NMD3: variants seen among roughly 807,000 people sequenced by gnomAD.
NMD3 encodes NMD3 ribosome export adaptor.
A neutral mutation model predicts 73.1 loss-of-function variants in NMD3; 47 were observed. The observed-to-expected ratio is 0.64, with a 90% CI of 0.51 to 0.82. NMD3 has a LOEUF of 0.82. Among genes scored for constraint, NMD3 ranks in the 40% least tolerant of loss-of-function variants. The probability of loss-of-function intolerance (pLI) is 0.00; values close to 1 mark genes in which losing one functional copy is unlikely to be tolerated. For synonymous variants in NMD3, 210 were observed against 194.5 expected (o/e 1.08, Z -0.66); for missense variants, 554 against 612.5 (o/e 0.90, Z 1.01).
Position 161,250,290 on chromosome 3 carries a change from G to C in NMD3, c.1345G>C (p.Asp449His). Residue 449 changes from aspartate (D) to histidine (H), a missense_variant, in exon 15 of 16, where the codon GAT becomes CAT. Coordinates refer to ENST00000351193, the MANE Select transcript of NMD3 (RefSeq NM_015938.5). ...AGATTTTCTTGAAGATCTTGAAGAA[G>C]ATGAGGCAATTCGAAAAAATGTCAA... ...YQDFLEDLEE[D>H]EAIRKNVNIY... 1 of 1,604,232 alleles carries C rather than the reference G, an allele frequency of 6.2e-7. No individual in the cohort carries two copies. The highest frequency in any genetic ancestry group is 1.3e-5 in the African/African-American group (1 of 74,820).
intron 4 of NMD3, among the ~76,000 whole-genome samples, chr3:161,228,437 A>G (rs1228392395): frequency 2.0e-5 from 3 of 151,736 alleles, no homozygotes; most frequent in Non-Finnish European, 2.9e-5. Context: ...TAATCTTTCT[A>G]ATGAATTGTT....
chr3:161,223,137 T>A (rs1736176544), intron 2 of NMD3: 1 of 152,228 alleles, frequency 6.6e-6, no homozygotes, highest in African/African-American at 2.4e-5. Flanking sequence ...CAGGAACTGC[T>A]TTCTTTCCAG....
intron 13 of NMD3, among the ~76,000 whole-genome samples, chr3:161,248,054 G>A (rs1737323416): frequency 6.6e-6 from 1 of 151,716 alleles, no homozygotes; most frequent in Admixed American, 6.6e-5. Flanking sequence ...TCAAGTAGCT[G>A]GGATTACAGG....
At chr3:161,223,814 C>G (rs1736203157) in intron 2 of NMD3, among the ~76,000 whole-genome samples, 1 of 152,146 alleles carries the variant, frequency 6.6e-6, no homozygotes, top group Admixed American at 6.5e-5. Flanking sequence ...CACACTATTG[C>G]CTTGTTAATT....
At chr3:161,249,809 T>C (rs757439999) in intron 14 of NMD3, 3 of 498,442 alleles carry the variant, frequency 6.0e-6, no homozygotes, top group Non-Finnish European at 1.1e-5. Flanking sequence ...TTTGAAAAGT[T>C]AAAATATAAT....
At chr3:161,235,331 G>GC in intron 7 of NMD3, 119 bp downstream of exon 7, 6 of 385,962 alleles carry the variant, frequency 1.6e-5, no homozygotes, top group Non-Finnish European at 2.3e-5. Context: ...CTTTCTGTTA[G>GC]GAAAAAAAAA....
At chr3:161,240,937 A>AT (rs1560071800) in intron 9 of NMD3, 109 bp from the exon 10 acceptor site, 1 of 580,330 alleles carries the variant, frequency 1.7e-6, no homozygotes, top group East Asian at 2.9e-5. Flanking sequence ...AGAATTGAAA[A>AT]TAACGTTTTG....
chr3:161,227,372 A>G (rs751599334), intron 4 of NMD3, 29 bp downstream of exon 4: 14 of 1,340,134 alleles, frequency 1.0e-5, no homozygotes, highest in East Asian at 2.3e-5. Context: ...ATCAGTATTC[A>G]TAGGTATGTT....
At chr3:161,224,793 T>C (rs1450521943) in intron 2 of NMD3, 137 bp from the exon 3 acceptor site, 55 of 856,678 alleles carry the variant, frequency 6.4e-5, no homozygotes, top group Non-Finnish European at 1.7e-5. Flanking sequence ...CCCAGGTTGC[T>C]TTGTTTCTGT....
At chr3:161,241,699 G>A (rs1327303446) in intron 10 of NMD3, among the ~76,000 whole-genome samples, 2 of 152,116 alleles carry the variant, frequency 1.3e-5, no homozygotes, top group Non-Finnish European at 2.9e-5. Context: ...GATTACAAGC[G>A]TGAGCCACCA....
At chr3:161,233,599 CTGTT>C in intron 5 of NMD3, 120 bp downstream of exon 5, 4 of 546,224 alleles carry the variant, frequency 7.3e-6, no homozygotes, top group East Asian at 3.0e-5. Context: ...TCAATTTTAG[CTGTT>C]TGTTTTCTTT....
Position 161,242,651 on chromosome 3 carries a change from A to T in NMD3, c.1015A>T (p.Lys339Ter). 1 of 1,610,450 alleles carries T rather than the reference A, an allele frequency of 6.2e-7. No homozygotes were observed. The highest frequency in any genetic ancestry group is 1.7e-5 in the Admixed American group (1 of 59,884). ...RAAGAGMISK[K>*]HTLGEVWVQK... ...TGCAGGTGCTGGAATGATATCAAAA[A>T]AGGTAAGCTACATCCTGCCTGCCAG... is the stretch of plus-strand genomic sequence containing the variant. The change falls in exon 11 of 16, where the codon AAG becomes TAG. Residue 339 changes from lysine to a stop codon, truncating the protein, a stop_gained and splice_region_variant. Transcript: ENST00000351193. LOFTEE classifies it high-confidence loss of function.
At chr3:161,224,552 C>T (rs1021638757) in intron 2 of NMD3, among the ~76,000 whole-genome samples, 4 of 152,026 alleles carry the variant, frequency 2.6e-5, no homozygotes, top group East Asian at 1.9e-4. Context: ...AGTGCAGTGG[C>T]GTGATCTGGC....
At chr3:161,225,510 A>G (rs888422648) in intron 3 of NMD3, among the ~76,000 whole-genome samples, 3 of 152,202 alleles carry the variant, frequency 2.0e-5, no homozygotes, top group African/African-American at 7.2e-5. Context: ...ACTATTGTTG[A>G]TGGAAAAGAA....
At chr3:161,250,720 TAATACTTTGTATACATATA>T (rs1737450235) in intron 15 of NMD3, 41 bp from the exon 16 acceptor site, 1 of 1,015,364 alleles carries the variant, frequency 9.8e-7, no homozygotes, top group African/African-American at 1.6e-5. Flanking sequence ...CAAATATATT[TAATACTTTGTATACATATA>T]AATACTTTGT....
intron 8 of NMD3, 31 bp downstream of exon 8, chr3:161,238,222 C>A: frequency 1.5e-6 from 2 of 1,364,600 alleles, no homozygotes; most frequent in Non-Finnish European, 2.0e-6. Flanking sequence ...GTGACTAAAT[C>A]TAAGGACTTG....
rs924143767 is a variant in NMD3, at chr3:161,250,653, C to T, written c.1382-127C>T. ...GAATGACTGCTGTAAGAGACAAGAG[C>T]TTCTGATACAATGTAGTTACATAAT... On this transcript the variant is annotated intron_variant, in intron 15 of 15. Transcript: ENST00000351193. 14 of 623,892 alleles carry T rather than the reference C, an allele frequency of 2.2e-5. 1 individual carries two copies. The highest frequency in any genetic ancestry group is 4.9e-5 in the South Asian group (2 of 40,744). The allele number at this position is 623,892 out of a possible 1,614,324, so 38.6% of individuals were successfully genotyped here. A position where few individuals can be genotyped will look rare whatever the true frequency, so the allele number is the denominator to read the frequency against.
rs748156466 is a variant in NMD3, at chr3:161,242,563, T to C, written c.927T>C (p.His309=). 2.5e-6 allele frequency: 4 copies of C among 1,613,736 alleles called. No homozygotes were observed. Among genetic ancestry groups the C allele is most frequent in the Non-Finnish European group, 3.4e-6 (4 of 1,179,750 alleles). ...GTCACCCTTTCAATAGTTTATGTCA[T>C]CCCAAACAGCTAGAGGAGTTTATTG... The part of the protein sequence containing the change: ...FWSHPFNSLC[H]PKQLEEFIVM... The change falls in exon 11 of 16, where the codon CAT becomes CAC. Residue 309 remains histidine (H), a synonymous_variant. Coordinates refer to ENST00000351193, the MANE Select transcript of NMD3 (RefSeq NM_015938.5).
chr3:161,243,483 A>G (rs548841819), intron 11 of NMD3, among the ~76,000 whole-genome samples: 4 of 152,310 alleles, frequency 2.6e-5, no homozygotes, highest in African/African-American at 9.6e-5. Flanking sequence ...TCAAACAGGT[A>G]TTCAATTGGA....
Sources: allele counts gnomAD v4.1 joint callset (sites outside exome capture counted in the v4.1 genomes callset), GRCh38; gene constraint gnomAD v4.1.1; transcripts MANE v1.5; gene names NCBI Gene and HGNC (gene_info 2026-07-23, HGNC 2026-07-21).